CD14: variants seen among roughly 807,000 people sequenced by gnomAD.
CD14 encodes CD14 molecule, also known as monocyte differentiation antigen CD14.
CD14 carries 4 observed loss-of-function variants against 2.5 expected under a neutral mutation model. That is an observed-to-expected ratio of 1.63 (90% CI 0.80 to 3.72). CD14 has a LOEUF of 3.72. Ranked by LOEUF, CD14 falls within the 30% of genes most tolerant of loss-of-function variation. CD14 has a pLI of 0.01. For synonymous variants in CD14, 236 were observed against 235.1 expected (o/e 1.00, Z -0.04); for missense variants, 478 against 497.8 (o/e 0.96, Z 0.38).
chr5:140,633,206 T>A (rs34424920), upstream of CD14: 11 of 1,112,282 alleles, frequency 9.9e-6, no homozygotes, highest in Non-Finnish European at 1.5e-5. Context: ...ACAGTTTATG[T>A]AATCCTGGGA....
chr5:140,631,764 A>T lies in CD14; in HGVS notation c.*92T>A, dbSNP rs5744456. 2,620 of 1,186,312 alleles carry T rather than the reference A, an allele frequency of 2.2e-3. 35 individuals are homozygous for T. In the African/African-American group the frequency reaches 0.035, roughly 16 times the overall value. 73.5% of individuals were successfully genotyped at this position (1,186,312 alleles called of 1,614,324 possible). A position where few individuals can be genotyped will look rare whatever the true frequency, so the allele number is the denominator to read the frequency against. On this transcript the variant is annotated 3_prime_UTR_variant, in exon 2 of 2. Transcript: ENST00000302014. Reference sequence around the variant, plus strand: ...TAAGATTTTAATAAAGGTGGGGCAAAGGGTTGAATTGGTCGAAAAGTCCTC... The same window carrying T: ...TAAGATTTTAATAAAGGTGGGGCAATGGGTTGAATTGGTCGAAAAGTCCTC...
chr5:140,631,818 A>C lies in CD14; in HGVS notation c.*38T>G, dbSNP rs1172925935. ...GTCCTGACGGGACTCCCCTGAAGCC[A>C]AGGCAGTTTGAGTCCATTCATTATT... On this transcript the variant is annotated 3_prime_UTR_variant, in exon 2 of 2. Transcript: ENST00000302014. The C allele has an allele frequency of 2.6e-6, 4 of 1,513,720 alleles. No individual in the cohort carries two copies. The highest frequency in any genetic ancestry group is 3.5e-6 in the Non-Finnish European group (4 of 1,127,926). The allele number at this position is 1,513,720 out of a possible 1,614,324, so 93.8% of individuals were successfully genotyped here. A position where few individuals can be genotyped will look rare whatever the true frequency, so the allele number is the denominator to read the frequency against.
chr5:140,633,370 G>C (rs1162417437), upstream of CD14: 1 of 539,002 alleles, frequency 1.9e-6, no homozygotes, highest in African/African-American at 1.9e-5. Flanking sequence ...CTAGGGTTCT[G>C]TGTCTCCTGG....
rs1756597050 is a variant in CD14, at chr5:140,632,092, T to C, written c.892A>G (p.Lys298Glu). 1 of 1,614,190 alleles carries C rather than the reference T, an allele frequency of 6.2e-7. No homozygotes were observed. Among genetic ancestry groups the C allele is most frequent in the African/African-American group, 1.3e-5 (1 of 75,054 alleles). ...CAGCTGAGATCGAGCACTCTGAGCT[T>C]GGCTGGCAGTCCTTTAGGCACCTGT... ...LEQVPKGLPA[K>E]LRVLDLSCNR... The change falls in exon 2 of 2, where the codon AAG (lysine) becomes GAG (glutamate). Residue 298 changes from lysine to glutamate, a missense_variant. Lys to Glu is a moderately conservative substitution (Grantham distance 56). Coordinates refer to ENST00000302014, the MANE Select transcript of CD14 (RefSeq NM_000591.4). The surrounding 1 kb of genome is among the most constrained non-coding windows in gnomAD (Gnocchi z 6.2).
At position 140,631,869 on chromosome 5, in the gene CD14, CG is replaced by C; in HGVS notation, c.1114del (p.Arg372GlyfsTer44). ...CTGTCTTGGATCTTAGGCAAAGCCC[CG>C]GGCCCCTTGGAGCAGCACCAGGGTT... is the stretch of plus-strand genomic sequence containing the variant. ...SGTLVLLQGA[R>X]GFA On this transcript the variant is annotated frameshift_variant, in exon 2 of 2. Transcript: ENST00000302014. LOFTEE classifies it high-confidence loss of function. The C allele has an allele frequency of 6.4e-7, 1 of 1,562,858 alleles. No homozygotes were observed. Among genetic ancestry groups the C allele is most frequent in the Non-Finnish European group, 8.7e-7 (1 of 1,150,244 alleles).
chr5:140,633,379 G>A (rs1420052097), upstream of CD14: 1 of 526,532 alleles, frequency 1.9e-6, no homozygotes, highest in African/African-American at 1.9e-5. Context: ...TGTGTCTCCT[G>A]GCAGTGTCCT....
rs375798957 is a variant in CD14, at chr5:140,632,904, A to G, written c.80T>C (p.Leu27Pro). Residue 27 changes from leucine to proline, a missense_variant, in exon 2 of 2, where the codon CTG (leucine) becomes CCG (proline). Leu to Pro is a moderately conservative substitution (Grantham distance 98). Coordinates refer to ENST00000302014, the MANE Select transcript of CD14 (RefSeq NM_000591.4). This position sits in a 1 kb window ranked among gnomAD's most constrained non-coding sequence, Gnocchi z 6.2. ...GACGCAGCGGAAATCTTCATCGTCC[A>G]GCTCACAAGGTTCTGGCGTGGTCGC... The part of the protein sequence containing the change: ...VSATTPEPCE[L>P]DDEDFRCVCN... 3 of 1,614,078 alleles carry G rather than the reference A, an allele frequency of 1.9e-6. No homozygotes were observed. Among genetic ancestry groups the G allele is most frequent in the South Asian group, 2.2e-5 (2 of 91,082 alleles).
upstream of CD14, chr5:140,633,346 AT>A: frequency 1.7e-6 from 1 of 578,688 alleles, no homozygotes; most frequent in South Asian, 1.9e-5. Flanking sequence ...AACAGGAAGG[AT>A]TCTGCAGGGC....
chr5:140,632,794 G>A lies in CD14; in HGVS notation c.190C>T (p.Leu64Phe). Residue 64 changes from leucine to phenylalanine, a missense_variant, in exon 2 of 2, where the codon CTC becomes TTC. Leu to Phe is a conservative substitution (Grantham distance 22). Coordinates refer to ENST00000302014, the MANE Select transcript of CD14 (RefSeq NM_000591.4). This position sits in a 1 kb window ranked among gnomAD's most constrained non-coding sequence, Gnocchi z 6.2. ...CGCTTTAGAAACGGCTCTAGGTTGA[G>A]ACCGCCGGCATGGATCTCCACCTCT... ...AVEVEIHAGG[L>F]NLEPFLKRVD... 1 of 1,613,700 alleles carries A rather than the reference G, an allele frequency of 6.2e-7. No individual in the cohort carries two copies. The highest frequency in any genetic ancestry group is 8.5e-7 in the Non-Finnish European group (1 of 1,180,024).
Position 140,632,081 on chromosome 5 carries a change from C to A in CD14, c.903G>T (p.Val301=), listed in dbSNP as rs765277768. The A allele has an allele frequency of 5.8e-5, 94 of 1,614,106 alleles. No individual in the cohort carries two copies. The highest frequency in any genetic ancestry group is 7.9e-5 in the Non-Finnish European group (93 of 1,180,044). ...TCAGTCTGTTGCAGCTGAGATCGAG[C>A]ACTCTGAGCTTGGCTGGCAGTCCTT... is the stretch of plus-strand genomic sequence containing the variant. ...VPKGLPAKLR[V]LDLSCNRLNR... Residue 301 remains valine (V), a synonymous_variant, in exon 2 of 2, where the codon GTG becomes GTT. Transcript: ENST00000302014. This position sits in a 1 kb window ranked among gnomAD's most constrained non-coding sequence, Gnocchi z 6.2.
chr5:140,632,385 T>A lies in CD14; in HGVS notation c.599A>T (p.Asp200Val). ...VRAFPALTSL[D>V]LSDNPGLGER... ...GCCCAGTCCAGGATTGTCAGACAGGTCTAGGCTGGTAAGGGCCGGGAAGGC... is the reference window on the plus strand; with the variant it reads ...GCCCAGTCCAGGATTGTCAGACAGGACTAGGCTGGTAAGGGCCGGGAAGGC... Residue 200 changes from aspartate to valine, a missense_variant, in exon 2 of 2, where the codon GAC (aspartate) becomes GTC (valine). Coordinates refer to ENST00000302014, the MANE Select transcript of CD14 (RefSeq NM_000591.4). This position sits in a 1 kb window ranked among gnomAD's most constrained non-coding sequence, Gnocchi z 6.2. 2 of 1,614,096 alleles carry A rather than the reference T, an allele frequency of 1.2e-6. No homozygotes were observed. Among genetic ancestry groups the A allele is most frequent in the Non-Finnish European group, 1.7e-6 (2 of 1,180,014 alleles).
At chr5:140,633,402 G>A (rs1756684553), upstream of CD14, 1 of 490,628 alleles carries the variant, frequency 2.0e-6, no homozygotes, top group South Asian at 2.1e-5. Flanking sequence ...TGACTCAGGC[G>A]CCCCAGGCGG....
rs1340779935 is a variant in CD14, at chr5:140,632,138, A to T, written c.846T>A (p.Asn282Lys). ...CCTGTTCCAGCCCAGCGAACGACAG[A>T]TTGAGGGAGTTCAGGGCGCTGGACC... The part of the protein sequence containing the change: ...CMWSSALNSL[N>K]LSFAGLEQVP... The change falls in exon 2 of 2, where the codon AAT becomes AAA. Residue 282 changes from asparagine (N) to lysine (K), a missense_variant. By Grantham distance (94) the Asn-to-Lys change is moderately conservative (BLOSUM62 0). Coordinates refer to ENST00000302014, the MANE Select transcript of CD14 (RefSeq NM_000591.4). This position sits in a 1 kb window ranked among gnomAD's most constrained non-coding sequence, Gnocchi z 6.2. 6.2e-7 allele frequency: 1 copy of T among 1,613,970 alleles called. No homozygotes were observed. Among genetic ancestry groups the T allele is most frequent in the East Asian group, 2.2e-5 (1 of 44,876 alleles).
chr5:140,632,848 A>G lies in CD14; in HGVS notation c.136T>C (p.Ser46Pro), dbSNP rs1196019972. The G allele has an allele frequency of 1.2e-6, 2 of 1,614,086 alleles. No individual in the cohort carries two copies. The highest frequency in any genetic ancestry group is 1.7e-5 in the Admixed American group (1 of 60,028). ...GCAGACACACACTGGAAGGCTTCGG[A>G]CCAGTCGGGCTGAGGTTCGGAGAAG... ...CNFSEPQPDW[S>P]EAFQCVSAVE... The change falls in exon 2 of 2, where the codon TCC becomes CCC. Residue 46 changes from serine (S) to proline (P), a missense_variant. Physicochemically the swap from Ser to Pro is moderately conservative, Grantham distance 74 (BLOSUM62 -1). Coordinates refer to ENST00000302014, the MANE Select transcript of CD14 (RefSeq NM_000591.4). The surrounding 1 kb of genome is among the most constrained non-coding windows in gnomAD (Gnocchi z 6.2).
rs372715155 is a variant in CD14 at position 140,632,591 on chromosome 5, G to A, written c.393C>T (p.Thr131=). 73 of 1,613,900 alleles carry A rather than the reference G, an allele frequency of 4.5e-5. No homozygotes were observed. The highest frequency in any genetic ancestry group is 1.6e-4 in the Middle Eastern group (1 of 6,084). ...LTLEDLKITG[T]MPPLPLEATG... The stretch of plus-strand genomic sequence containing the variant: ...TGGCTTCCAGAGGCAGCGGAGGCAT[G>A]GTGCCGGTTATCTTTAGGTCCTCGA... Residue 131 remains threonine (T), a synonymous_variant, in exon 2 of 2, where the codon ACC becomes ACT. Transcript: ENST00000302014. This position sits in a 1 kb window ranked among gnomAD's most constrained non-coding sequence, Gnocchi z 6.2.
At position 140,631,893 on chromosome 5, in the gene CD14, GTTCCCGACACCC is replaced by G; in HGVS notation, c.1079_1090del (p.Gly360_Thr364delinsAla). 6.3e-7 allele frequency: 1 copy of G among 1,589,998 alleles called. No individual in the cohort carries two copies. The highest frequency in any genetic ancestry group is 8.6e-7 in the Non-Finnish European group (1 of 1,163,702). ...CCGGGCCCCTTGGAGCAGCACCAGG[GTTCCCGACACCC>G]CCACCGACAGGGTCGAACGTGCACA... On this transcript the variant is annotated inframe_deletion, in exon 2 of 2. Transcript: ENST00000302014.
chr5:140,633,150 C>G lies in CD14; in HGVS notation c.-79G>C. 1 of 1,585,832 alleles carries G rather than the reference C, an allele frequency of 6.3e-7. No homozygotes were observed. Among genetic ancestry groups the G allele is most frequent in the Non-Finnish European group, 8.6e-7 (1 of 1,161,706 alleles). ...AGCTTCTTTCCTACACAGCGGCACC[C>G]GCCGGCTTCCAGGCTTCACACTTGT... On this transcript the variant is annotated 5_prime_UTR_variant, in exon 1 of 2. Coordinates refer to ENST00000302014, the MANE Select transcript of CD14 (RefSeq NM_000591.4).
At position 140,632,833 on chromosome 5, in the gene CD14, A is replaced by G. The variant is rs2149781217; in HGVS notation, c.151T>C (p.Cys51Arg). The change falls in exon 2 of 2, where the codon TGT becomes CGT. Residue 51 changes from cysteine (C) to arginine (R), a missense_variant. Coordinates refer to ENST00000302014, the MANE Select transcript of CD14 (RefSeq NM_000591.4). The surrounding 1 kb of genome is among the most constrained non-coding windows in gnomAD (Gnocchi z 6.2). ...ATCTCCACCTCTACTGCAGACACAC[A>G]CTGGAAGGCTTCGGACCAGTCGGGC... ...PQPDWSEAFQ[C>R]VSAVEVEIHA... The G allele has an allele frequency of 1.2e-6, 2 of 1,613,928 alleles. No individual in the cohort carries two copies. Among genetic ancestry groups the G allele is most frequent in the East Asian group, 4.5e-5 (2 of 44,868 alleles).
In CD14 at chr5:140,632,689, C is replaced by T. The variant is rs1356296606; in HGVS notation, c.295G>A (p.Ala99Thr). 5.0e-6 allele frequency: 8 copies of T among 1,613,734 alleles called. No homozygotes were observed. Among genetic ancestry groups the T allele is most frequent in the Non-Finnish European group, 5.1e-6 (6 of 1,180,010 alleles). ...ACCAGTAGCTGAGCAGGAACCTGTG[C>T]GGCTCCCACTGTGAGCCGCCGCACG... Reference protein sequence around the residue: ...LRVRRLTVGAAQVPAQLLVGA... With the variant: ...LRVRRLTVGATQVPAQLLVGA... Residue 99 changes from alanine (A) to threonine (T), a missense_variant, in exon 2 of 2, where the codon GCA becomes ACA. Physicochemically the swap from Ala to Thr is moderately conservative, Grantham distance 58. Transcript: ENST00000302014. The surrounding 1 kb of genome is among the most constrained non-coding windows in gnomAD (Gnocchi z 6.2).
Sources: allele counts gnomAD v4.1 joint callset, GRCh38; gene constraint gnomAD v4.1.1; non-coding constraint Gnocchi (gnomAD v3.1); transcripts MANE v1.5; gene names NCBI Gene and HGNC (gene_info 2026-07-23, HGNC 2026-07-21).